Variants in MLX observed in about 807,000 individuals in gnomAD.
MLX encodes max-like protein X.
A neutral mutation model predicts 33.0 loss-of-function variants in MLX; 15 were observed. That is an observed-to-expected ratio of 0.45 (90% CI 0.30 to 0.70). MLX has a LOEUF of 0.70. Among genes scored for constraint, MLX ranks in the 30% least tolerant of loss-of-function variants. The pLI is 0.07. For synonymous variants in MLX, 115 were observed against 115.6 expected (o/e 0.99, Z 0.03); for missense variants, 285 against 306.3 (o/e 0.93, Z 0.52).
chr17:42,571,595 C>A lies in MLX; in HGVS notation c.727C>A (p.Leu243Ile). Residue 243 changes from leucine (L) to isoleucine (I), a missense_variant, in exon 8 of 8, where the codon CTT becomes ATT. By Grantham distance (5) the Leu-to-Ile change is conservative (BLOSUM62 2). Transcript: ENST00000435881. ...IGVLHQLKNQLY is the reference protein window; with the variant it reads ...IGVLHQLKNQIY ...CGTCCTGCACCAATTGAAAAACCAG[C>A]TTTACTGACCGGTTCTTGGAAACCT... The A allele has an allele frequency of 6.2e-7, 1 of 1,614,130 alleles. No individual in the cohort carries two copies. Among genetic ancestry groups the A allele is most frequent in the Non-Finnish European group, 8.5e-7 (1 of 1,179,994 alleles).
intron 7 of MLX, 56 bp downstream of exon 7, chr17:42,570,239 G>T: frequency 6.4e-7 from 1 of 1,564,042 alleles, no homozygotes; most frequent in South Asian, 1.1e-5. Context: ...CAAGCAAAGT[G>T]GCCCAAGCCA....
At position 42,568,763 on chromosome 17, in the gene MLX, C is replaced by G; in HGVS notation, c.170-74C>G. 3.0e-6 allele frequency: 4 copies of G among 1,346,800 alleles called. No individual in the cohort carries two copies. In the South Asian group the frequency reaches 3.7e-5, roughly 12 times the overall value. 83.4% of individuals were successfully genotyped at this position (1,346,800 alleles called of 1,614,324 possible). ...TCTCTGGACACCAGGTTCTTCCCAG[C>G]TGGGGAAAGGTGGGCTAGCTGGACC... is the stretch of plus-strand genomic sequence containing the variant. On this transcript the variant is annotated intron_variant, in intron 3 of 7. Transcript: ENST00000435881.
intron 2 of MLX, 181 bp from the exon 3 acceptor site, chr17:42,568,263 TGAGGCAGGAGAATGGCGTGAACCTGG>T (rs1194976276): frequency 1.8e-5 from 5 of 279,660 alleles, no homozygotes; most frequent in Non-Finnish European, 2.1e-5. Flanking sequence ...CTCGGGAGGC[TGAGGCAGGAGAATGGCGTGAACCTGG>T]GAGGCGGAGC....
rs2093040791 is a variant in MLX at position 42,572,613 on chromosome 17, T to G, written c.*1010T>G. The G allele has an allele frequency of 2.2e-6, 1 of 451,158 alleles. No individual in the cohort carries two copies. Among genetic ancestry groups the G allele is most frequent in the African/African-American group, 2.0e-5 (1 of 49,906 alleles). 27.9% of individuals were successfully genotyped at this position (451,158 alleles called of 1,614,324 possible). A position where few individuals can be genotyped will look rare whatever the true frequency, so the allele number is the denominator to read the frequency against. ...CTAGTTCTCCAAATTCACTTCTGCC[T>G]TCCTCAGGTTTGATATCTGGCAGGT... On this transcript the variant is annotated 3_prime_UTR_variant, in exon 8 of 8. Coordinates refer to ENST00000435881, the MANE Select transcript of MLX (RefSeq NM_198204.2).
Position 42,570,153 on chromosome 17 carries a change from C to T in MLX, c.648C>T (p.Phe216=), listed in dbSNP as rs2093024803. The T allele has an allele frequency of 6.2e-7, 1 of 1,613,968 alleles. No individual in the cohort carries two copies. Residue 216 remains phenylalanine (F), a synonymous_variant, in exon 7 of 8, where the codon TTC becomes TTT. Coordinates refer to ENST00000435881, the MANE Select transcript of MLX (RefSeq NM_198204.2). ...TCCAGGAGCTGTCAGCGTGTGTCTT[C>T]AGCTGGATCGAGGAGCACTGTAAGC... ...ASFQELSACV[F]SWIEEHCKPQ...
Position 42,569,572 on chromosome 17 carries a change from C to T in MLX, c.442C>T (p.Arg148Cys), listed in dbSNP as rs759146238. Residue 148 changes from arginine to cysteine, a missense_variant, in exon 6 of 8, where the codon CGC becomes TGC. By Grantham distance (180) the Arg-to-Cys change is radical. Transcript: ENST00000435881. ...GCAGGAGGAGGAGGTGTCCACGTTA[C>T]GCAAGGATGTCACCGCCCTAAAGAT... ...KKQEEEVSTLRKDVTALKIMK... is the reference protein window; with the variant it reads ...KKQEEEVSTLCKDVTALKIMK... 41 of 1,613,968 alleles carry T rather than the reference C, an allele frequency of 2.5e-5. No individual in the cohort carries two copies. The highest frequency in any genetic ancestry group is 3.2e-5 in the Non-Finnish European group (38 of 1,180,018).
chr17:42,568,619 T>C (rs1013532535), intron 3 of MLX, 60 bp downstream of exon 3: 2 of 1,485,596 alleles, frequency 1.3e-6, no homozygotes, highest in Non-Finnish European at 1.9e-6. Context: ...TTGTAGTACC[T>C]TTCCTAGACA....
rs749526107 is a variant in MLX at position 42,569,514 on chromosome 17, C to T, written c.384C>T (p.Asp128=). Residue 128 remains aspartate, a synonymous_variant, in exon 6 of 8, where the codon GAC becomes GAT. Transcript: ENST00000435881. ...SKAIVLQKTI[D]YIQFLHKEKK... The stretch of plus-strand genomic sequence containing the variant: ...TTCTTGCCCCCACCCTAGCCATTGA[C>T]TACATTCAGTTTTTGCACAAGGAGA... The T allele has an allele frequency of 1.2e-6, 2 of 1,613,870 alleles. No individual in the cohort carries two copies. The highest frequency in any genetic ancestry group is 1.7e-6 in the Non-Finnish European group (2 of 1,179,846).
Sources: gnomAD v4.1 joint callset for allele counts on GRCh38, gnomAD v4.1.1 for gene constraint, MANE v1.5 for transcripts, NCBI Gene and HGNC (gene_info 2026-07-23, HGNC 2026-07-21) for gene names.